The following FANCI variants were observed in gnomAD, a reference collection of about 807,000 sequenced individuals.
FANCI encodes the protein Fanconi anemia group I protein.
FANCI carries 156 observed loss-of-function variants against 176.1 expected under a neutral mutation model. That is an observed-to-expected ratio of 0.89 (90% CI 0.78 to 1.01). The LOEUF is 1.01. Among genes scored for constraint, FANCI ranks in the 50% least tolerant of loss-of-function variants. The pLI is 0.00. For synonymous variants in FANCI, 613 were observed against 541.7 expected (o/e 1.13, Z -1.83); for missense variants, 1,678 against 1,534.1 (o/e 1.09, Z -1.57).
At position 89,261,807 on chromosome 15, in the gene FANCI, T is replaced by C; in HGVS notation, c.446-14T>C. 6.2e-7 allele frequency: 1 copy of C among 1,614,112 alleles called. No individual in the cohort carries two copies. Among genetic ancestry groups the C allele is most frequent in the Non-Finnish European group, 8.5e-7 (1 of 1,179,986 alleles). The stretch of plus-strand genomic sequence containing the variant: ...ATAATCAAATTCATTGCTCAGTATA[T>C]TTTGCATTTCTAGGTGTACTGAGTG... On this transcript the variant is annotated splice_polypyrimidine_tract_variant and intron_variant, in intron 5 of 37. Transcript: ENST00000310775.
At position 89,285,117 on chromosome 15, in the gene FANCI, C is replaced by T. The variant is rs1276794078; in HGVS notation, c.1720C>T (p.His574Tyr). The change falls in exon 18 of 38, where the codon CAT becomes TAT. Residue 574 changes from histidine (H) to tyrosine (Y), a missense_variant. Physicochemically the swap from His to Tyr is moderately conservative, Grantham distance 83. Transcript: ENST00000310775. ...VSQVHVDVHS[H>Y]YNSVANETFC... Reference sequence around the variant, plus strand: ...TCAGGTTCATGTGGATGTTCACAGCCATTACAATTCTGTCGCCAATGAAAC... The same window carrying T: ...TCAGGTTCATGTGGATGTTCACAGCTATTACAATTCTGTCGCCAATGAAAC... 1 of 1,614,068 alleles carries T rather than the reference C, an allele frequency of 6.2e-7. No homozygotes were observed. Among genetic ancestry groups the T allele is most frequent in the Non-Finnish European group, 8.5e-7 (1 of 1,179,982 alleles).
Position 89,260,114 on chromosome 15 carries a change from T to A in FANCI, c.158-599T>A, listed in dbSNP as rs560653321. ...TTTTTCACATCCTCATCAACACTTGTTATTATCTTTTTTTTTCAGTTTTGA... is the reference window on the plus strand; with the variant it reads ...TTTTTCACATCCTCATCAACACTTGATATTATCTTTTTTTTTCAGTTTTGA... On this transcript the variant is annotated intron_variant, in intron 3 of 37. Transcript: ENST00000310775. 7.7e-4 allele frequency among the ~76,000 whole-genome samples: 118 copies of A among 152,282 alleles called. 1 individual carries two copies. The South Asian group carries it at 0.024, about 31-fold the overall frequency.
chr15:89,261,727 T>C lies in FANCI; in HGVS notation c.431T>C (p.Leu144Pro). ...LTALATKKEN[L>P]AYGKGVLSGE... ...GCCCTGGCTACGAAAAAGGAAAATCTGGCTTATGGAAAAGGTAATTTTCTT... is the reference window on the plus strand; with the variant it reads ...GCCCTGGCTACGAAAAAGGAAAATCCGGCTTATGGAAAAGGTAATTTTCTT... The change falls in exon 5 of 38, where the codon CTG becomes CCG. Residue 144 changes from leucine (L) to proline (P), a missense_variant. Physicochemically the swap from Leu to Pro is moderately conservative, Grantham distance 98 (BLOSUM62 -3). This residue lies in a region of FANCI where 469 missense variants were observed against 436.9 expected (regional missense o/e 1.07). Transcript: ENST00000310775. 6.2e-7 allele frequency: 1 copy of C among 1,614,164 alleles called. No homozygotes were observed. Among genetic ancestry groups the C allele is most frequent in the Non-Finnish European group, 8.5e-7 (1 of 1,180,004 alleles).
At chr15:89,281,940 A>C (rs1289166754) in intron 16 of FANCI, 105 bp downstream of exon 16, 1 of 1,075,542 alleles carries the variant, frequency 9.3e-7, no homozygotes, top group African/African-American at 1.6e-5. Context: ...TGATCATGAG[A>C]ATTCCTAGCC....
chr15:89,249,332 C>T (rs1200366459), intron 2 of FANCI, among the ~76,000 whole-genome samples: 1 of 152,166 alleles, frequency 6.6e-6, no homozygotes, highest in African/African-American at 2.4e-5. Flanking sequence ...TTATTTAACA[C>T]AAATACTTAA....
intron 35 of FANCI, among the ~76,000 whole-genome samples, chr15:89,313,944 C>T (rs1294826166): frequency 2.9e-5 from 4 of 140,334 alleles, no homozygotes; most frequent in South Asian, 2.3e-4. Flanking sequence ...CTACAAATTA[C>T]AATTCACGTT....
chr15:89,270,128 T>TC (rs1390342178), intron 10 of FANCI, among the ~76,000 whole-genome samples: 2 of 152,078 alleles, frequency 1.3e-5, no homozygotes, highest in East Asian at 1.9e-4. Context: ...ATTTTTTTTT[T>TC]CCCCCAACCA....
At position 89,291,554 on chromosome 15, in the gene FANCI, G is replaced by C. The variant is rs193288017; in HGVS notation, c.1891-59G>C. On this transcript the variant is annotated intron_variant, in intron 19 of 37. Transcript: ENST00000310775. ...ATTAAAGATACCTTTCACCTGAGAA[G>C]TTAAAAAAGTAAAAAGCATTTATGA... 128 of 1,361,260 alleles carry C rather than the reference G, an allele frequency of 9.4e-5. No individual in the cohort carries two copies. The African/African-American group carries it at 1.7e-3, about 18-fold the overall frequency. The allele number at this position is 1,361,260 out of a possible 1,614,324, so 84.3% of individuals were successfully genotyped here.
At chr15:89,311,287 T>C (rs2054948715) in intron 34 of FANCI, among the ~76,000 whole-genome samples, 1 of 148,920 alleles carries the variant, frequency 6.7e-6, no homozygotes, top group African/African-American at 2.5e-5. Flanking sequence ...GGCATGGTAG[T>C]GCGTGCCTGT....
Position 89,316,673 on chromosome 15 carries a change from A to G in FANCI, c.*214A>G. ...AGGCAAGCCCTTTTGCAAAAAGCAC[A>G]GCTGAAAGCCTGAGTTTGGGAGCCT... is the stretch of plus-strand genomic sequence containing the variant. On this transcript the variant is annotated 3_prime_UTR_variant, in exon 38 of 38. Coordinates refer to ENST00000310775, the MANE Select transcript of FANCI (RefSeq NM_001113378.2). The G allele has an allele frequency of 7.6e-6, 10 of 1,318,140 alleles. No homozygotes were observed. The South Asian group carries it at 1.2e-4, about 16-fold the overall frequency. 81.7% of individuals were successfully genotyped at this position (1,318,140 alleles called of 1,614,324 possible).
At position 89,258,198 on chromosome 15, in the gene FANCI, C is replaced by T. The variant is rs28729357; in HGVS notation, c.85-506C>T. Reference sequence around the variant, plus strand: ...AACGCCTTTGAATAATTAGCTCCTTCTTGTCCGCCAGGTCTCTACTTAAAT... The same window carrying T: ...AACGCCTTTGAATAATTAGCTCCTTTTTGTCCGCCAGGTCTCTACTTAAAT... On this transcript the variant is annotated intron_variant, in intron 2 of 37. Transcript: ENST00000310775. Among the ~76,000 whole-genome samples, 706 of 152,200 alleles carry T rather than the reference C, an allele frequency of 4.6e-3. 6 individuals are homozygous for T. The highest frequency in any genetic ancestry group is 0.015 in the African/African-American group (639 of 41,538).
chr15:89,309,255 A>G (rs1297006830), intron 34 of FANCI, among the ~76,000 whole-genome samples: 1 of 152,192 alleles, frequency 6.6e-6, no homozygotes, highest in Non-Finnish European at 1.5e-5. Context: ...TCTGTTGTCT[A>G]TATATAGGAT....
chr15:89,300,626 T>G (rs1252157949), intron 26 of FANCI, among the ~76,000 whole-genome samples: 3 of 152,216 alleles, frequency 2.0e-5, no homozygotes, highest in African/African-American at 4.8e-5. Flanking sequence ...GACCACTGTT[T>G]GAGTTGATGT....
In FANCI at chr15:89,315,274, T is replaced by C. The variant is rs746611073; in HGVS notation, c.3817-8T>C. 2.7e-5 allele frequency: 43 copies of C among 1,605,312 alleles called. No individual in the cohort carries two copies. In the South Asian group the frequency reaches 4.6e-4, roughly 17 times the overall value. ...GGGAGATGTCCCATGCTTACAATCT[T>C]GTCATAGGTGAACCTGATGCAGCAC... On this transcript the variant is annotated splice_polypyrimidine_tract_variant and splice_region_variant and intron_variant, in intron 36 of 37. Coordinates refer to ENST00000310775, the MANE Select transcript of FANCI (RefSeq NM_001113378.2).
intron 22 of FANCI, among the ~76,000 whole-genome samples, chr15:89,293,494 C>T (rs2054141381): frequency 6.6e-6 from 1 of 152,168 alleles, no homozygotes; most frequent in African/African-American, 2.4e-5. Context: ...CAAGACCAGC[C>T]TGGCCAACAT....
chr15:89,261,818 T>C lies in FANCI; in HGVS notation c.446-3T>C. 1 of 1,614,142 alleles carries C rather than the reference T, an allele frequency of 6.2e-7. No homozygotes were observed. Among genetic ancestry groups the C allele is most frequent in the Non-Finnish European group, 8.5e-7 (1 of 1,179,998 alleles). ...CATTGCTCAGTATATTTTGCATTTC[T>C]AGGTGTACTGAGTGGGGAAGAATGT... On this transcript the variant is annotated splice_polypyrimidine_tract_variant and splice_region_variant and intron_variant, in intron 5 of 37. Coordinates refer to ENST00000310775, the MANE Select transcript of FANCI (RefSeq NM_001113378.2).
intron 4 of FANCI, 50 bp from the exon 5 acceptor site, chr15:89,261,535 T>C: frequency 1.9e-6 from 3 of 1,608,130 alleles, no homozygotes; most frequent in South Asian, 2.2e-5. Context: ...GAAAGATTTA[T>C]CAAACATTGG....
chr15:89,290,397 T>C, intron 19 of FANCI, 116 bp downstream of exon 19: 1 of 813,608 alleles, frequency 1.2e-6, no homozygotes, highest in South Asian at 1.4e-5. Flanking sequence ...ATTAGTACTT[T>C]GTGAACATGC....
At chr15:89,254,472 ATTTG>A (rs1477883399) in intron 2 of FANCI, among the ~76,000 whole-genome samples, 12 of 152,334 alleles carry the variant, frequency 7.9e-5, no homozygotes, top group Middle Eastern at 3.4e-3. Flanking sequence ...ATCTGGGACT[ATTTG>A]AGCATCAAAA....
Sources: gnomAD v4.1 joint callset for allele counts (sites outside exome capture counted in the v4.1 genomes callset) on GRCh38, gnomAD v4.1.1 for gene constraint, gnomAD v4.1.1 regional missense constraint, MANE v1.5 for transcripts, NCBI Gene and HGNC (gene_info 2026-07-23, HGNC 2026-07-21) for gene names.